The following TEX11 variants were observed in gnomAD, a reference collection of about 807,000 sequenced individuals.
TEX11 encodes the protein testis expressed 11, also known as testis-expressed protein 11.
In TEX11, 7 loss-of-function variants were observed where a neutral mutation model predicts 84.4. The ratio of observed to expected loss-of-function variants is 0.08; its 90% CI spans 0.05 to 0.16. The LOEUF (loss-of-function observed/expected upper bound fraction) is 0.16. Among genes scored for constraint, TEX11 ranks in the 10% least tolerant of loss-of-function variants. The probability of loss-of-function intolerance (pLI) is 1.00; values close to 1 mark genes in which losing one functional copy is unlikely to be tolerated. For synonymous variants in TEX11, 264 were observed against 222.8 expected (o/e 1.18, Z -1.64); for missense variants, 551 against 660.5 (o/e 0.83, Z 1.82).
chrX:70,902,365 T>G lies in TEX11; in HGVS notation c.37+5388A>C, dbSNP rs147569785. Among the ~76,000 whole-genome samples, 614 of 111,609 alleles carry G rather than the reference T, an allele frequency of 5.5e-3. 4 individuals carry two copies. The highest frequency in any genetic ancestry group is 0.019 in the African/African-American group (592 of 30,767). ...TGCTCTGGGTGAGTCAGTGAGTGAG[T>G]GGTGAATATATGTGAAGGTCTAGGA... On this transcript the variant is annotated intron_variant, in intron 2 of 29. Coordinates refer to ENST00000374333, the MANE Select transcript of TEX11 (RefSeq NM_031276.3).
intron 7 of TEX11, among the ~76,000 whole-genome samples, chrX:70,849,675 A>G (rs2091496902): frequency 8.9e-6 from 1 of 111,900 alleles, no homozygotes; most frequent in Non-Finnish European, 1.9e-5. Flanking sequence ...ATAAACTCTA[A>G]TGGTGCGAAT....
intron 3 of TEX11, among the ~76,000 whole-genome samples, chrX:70,879,307 AAAT>A (rs1330735681): frequency 8.1e-5 from 9 of 111,330 alleles, no homozygotes; most frequent in Non-Finnish European, 1.3e-4. Flanking sequence ...AATTATATCT[AAAT>A]AAAGGTATTT....
chrX:70,852,079 A>G (rs2091511547), intron 7 of TEX11, among the ~76,000 whole-genome samples: 1 of 112,525 alleles, frequency 8.9e-6, no homozygotes, highest in Non-Finnish European at 1.9e-5. Flanking sequence ...TTCTGTGAAT[A>G]TACTAAATTA....
chrX:70,722,582 T>TA, intron 13 of TEX11, 36 bp downstream of exon 13: 1 of 1,140,895 alleles, frequency 8.8e-7, no homozygotes, highest in Non-Finnish European at 1.2e-6. Flanking sequence ...AGCCAAAAAC[T>TA]GTCAGTCTTT....
chrX:70,882,771 C>A (rs775204394), intron 2 of TEX11, among the ~76,000 whole-genome samples: 1 of 108,982 alleles, frequency 9.2e-6, no homozygotes, highest in East Asian at 2.9e-4. Flanking sequence ...CAGAGCAAGA[C>A]CTTGTCTCTC....
At position 70,868,854 on chromosome X, in the gene TEX11, C is replaced by G. The variant is rs764654551; in HGVS notation, c.244+4369G>C. Among the ~76,000 whole-genome samples, 9 of 108,800 alleles carry G rather than the reference C, an allele frequency of 8.3e-5. No homozygotes were observed. In the South Asian group the frequency reaches 3.2e-3, roughly 38 times the overall value. The allele number at this position is 108,800 out of a possible 115,157, so 94.5% of individuals were successfully genotyped here. ...AGAACACATGGACAAGGGAGGGGAA[C>G]ATCACATACCCGGGCCTGTCAGCGG... On this transcript the variant is annotated intron_variant, in intron 4 of 29. Coordinates refer to ENST00000374333, the MANE Select transcript of TEX11 (RefSeq NM_031276.3).
At chrX:70,675,040 T>C (rs1436634366) in intron 15 of TEX11, among the ~76,000 whole-genome samples, 2 of 111,853 alleles carry the variant, frequency 1.8e-5, no homozygotes, top group Admixed American at 9.5e-5. Flanking sequence ...AGTGATGTTA[T>C]ACCACCTCAC....
intron 16 of TEX11, among the ~76,000 whole-genome samples, chrX:70,667,935 A>T (rs768514013): frequency 2.7e-5 from 3 of 110,968 alleles, no homozygotes; most frequent in African/African-American, 6.6e-5. Flanking sequence ...CTCAAAAAAA[A>T]AAAATAAAAA....
intron 7 of TEX11, among the ~76,000 whole-genome samples, chrX:70,834,750 C>A (rs1489990290): frequency 2.0e-5 from 2 of 101,125 alleles, no homozygotes; most frequent in Non-Finnish European, 4.0e-5. Context: ...GGAGACAGAG[C>A]GAGACTCTGT....
chrX:70,775,482 C>T (rs2090995599), intron 9 of TEX11, among the ~76,000 whole-genome samples: 1 of 110,144 alleles, frequency 9.1e-6, no homozygotes, highest in African/African-American at 3.3e-5. Context: ...ATTCAAACAC[C>T]TCAACAATTA....
In TEX11 at chrX:70,621,654, G is replaced by T. The variant is rs192512477; in HGVS notation, c.1751+2296C>A. Among the ~76,000 whole-genome samples, 884 of 94,214 alleles carry T rather than the reference G, an allele frequency of 9.4e-3. 15 individuals are homozygous for T. The highest frequency in any genetic ancestry group is 0.032 in the African/African-American group (806 of 25,373). The allele number at this position is 94,214 out of a possible 115,157, so 81.8% of individuals were successfully genotyped here. A position where few individuals can be genotyped will look rare whatever the true frequency, so the allele number is the denominator to read the frequency against. ...AGCAAACAAAGGAATGAATACGAAAGTATTGGCAAACTCAACTAAGGAAGT... is the reference window on the plus strand; with the variant it reads ...AGCAAACAAAGGAATGAATACGAAATTATTGGCAAACTCAACTAAGGAAGT... On this transcript the variant is annotated intron_variant, in intron 20 of 29. Transcript: ENST00000374333.
chrX:70,730,296 A>G (rs746774194), intron 11 of TEX11, among the ~76,000 whole-genome samples: 2 of 112,076 alleles, frequency 1.8e-5, no homozygotes, highest in Non-Finnish European at 1.9e-5. Context: ...AAATTCACGC[A>G]TAACAACATT....
intron 28 of TEX11, among the ~76,000 whole-genome samples, chrX:70,534,834 C>G (rs1053680493): frequency 9.0e-6 from 1 of 111,638 alleles, no homozygotes; most frequent in Non-Finnish European, 1.9e-5. Context: ...TTAGTATATT[C>G]ACAGTATTCA....
At chrX:70,870,056 G>A (rs2091621819) in intron 4 of TEX11, among the ~76,000 whole-genome samples, 1 of 111,835 alleles carries the variant, frequency 8.9e-6, no homozygotes, top group African/African-American at 3.2e-5. Context: ...ATTGGTGACT[G>A]ATACCTTTGA....
intron 15 of TEX11, among the ~76,000 whole-genome samples, chrX:70,677,593 A>G (rs1452330261): frequency 1.8e-5 from 2 of 110,602 alleles, no homozygotes; most frequent in African/African-American, 3.3e-5. Flanking sequence ...AAGTTTATCA[A>G]TCTTTTCTTT....
intron 13 of TEX11, among the ~76,000 whole-genome samples, chrX:70,693,720 T>G (rs898301480): frequency 3.6e-5 from 4 of 111,805 alleles, no homozygotes; most frequent in Non-Finnish European, 7.5e-5. Flanking sequence ...GTGACTATAG[T>G]TAACAATAAT....
intron 15 of TEX11, among the ~76,000 whole-genome samples, chrX:70,674,315 G>A (rs1986194): frequency 0.4 from 44,691 of 110,658 alleles, 8,147 homozygotes; most frequent in East Asian, 0.58. Context: ...GGGCATTTAG[G>A]TTGAGTCCAT....
At chrX:70,544,171 T>C (rs1315023543) in intron 28 of TEX11, among the ~76,000 whole-genome samples, 2 of 111,963 alleles carry the variant, frequency 1.8e-5, no homozygotes, top group Non-Finnish European at 3.8e-5. Context: ...AAACACTGTA[T>C]ACCTAAGCTG....
chrX:70,759,713 A>G (rs1405210433), intron 9 of TEX11, among the ~76,000 whole-genome samples: 1 of 111,702 alleles, frequency 9.0e-6, no homozygotes, highest in East Asian at 2.8e-4. Context: ...CAAGACAAGG[A>G]TGCCCTCTCT....
Sources: gnomAD v4.1 joint callset for allele counts (sites outside exome capture counted in the v4.1 genomes callset) on GRCh38, gnomAD v4.1.1 for gene constraint, MANE v1.5 for transcripts, NCBI Gene and HGNC (gene_info 2026-07-23, HGNC 2026-07-21) for gene names.